Variants in CTDSPL observed in about 807,000 individuals in gnomAD.
CTDSPL encodes CTD small phosphatase like.
A neutral mutation model predicts 30.5 loss-of-function variants in CTDSPL; 8 were observed. The ratio of observed to expected loss-of-function variants is 0.26; its 90% CI spans 0.15 to 0.47. The LOEUF (loss-of-function observed/expected upper bound fraction) is 0.47. Ranked by LOEUF, CTDSPL falls within the 20% of genes least tolerant of loss-of-function variation. CTDSPL has a pLI of 0.99. For synonymous variants in CTDSPL, 110 were observed against 137.9 expected (o/e 0.80, Z 1.42); for missense variants, 248 against 366.1 (o/e 0.68, Z 2.63).
intron 1 of CTDSPL, among the ~76,000 whole-genome samples, chr3:37,869,629 T>C (rs1299199128): frequency 6.6e-6 from 1 of 152,138 alleles, no homozygotes; most frequent in Non-Finnish European, 1.5e-5. Context: ...TTGCACTGAC[T>C]AGAACTTTAG....
At chr3:37,966,048 G>A (rs186509491) in intron 4 of CTDSPL, among the ~76,000 whole-genome samples, 7 of 152,248 alleles carry the variant, frequency 4.6e-5, no homozygotes, top group East Asian at 1.9e-4. Flanking sequence ...AGCAGGGGTC[G>A]GTTGCCATCA....
chr3:37,978,021 G>A (rs1699449274), intron 7 of CTDSPL, among the ~76,000 whole-genome samples: 1 of 152,300 alleles, frequency 6.6e-6, no homozygotes, highest in African/African-American at 2.4e-5. Flanking sequence ...TTGGGTTCAG[G>A]TGGTGTTAGC....
At chr3:37,963,657 A>C (rs889525864) in intron 3 of CTDSPL, among the ~76,000 whole-genome samples, 1 of 152,250 alleles carries the variant, frequency 6.6e-6, no homozygotes, top group Non-Finnish European at 1.5e-5. Context: ...CAAGGCCTAA[A>C]GAAATAAATC....
chr3:37,973,490 C>A (rs978422284), intron 6 of CTDSPL, among the ~76,000 whole-genome samples: 1 of 152,244 alleles, frequency 6.6e-6, no homozygotes, highest in African/African-American at 2.4e-5. Flanking sequence ...GCTACTCCAG[C>A]CTTGCTGAGC....
chr3:37,872,070 C>G (rs1045824705), intron 1 of CTDSPL, among the ~76,000 whole-genome samples: 8 of 152,178 alleles, frequency 5.3e-5, no homozygotes, highest in Admixed American at 1.3e-4. Context: ...TGGCTCACTG[C>G]AGCCTCAACC....
At chr3:37,958,702 A>G (rs994965049) in intron 3 of CTDSPL, among the ~76,000 whole-genome samples, 2 of 152,210 alleles carry the variant, frequency 1.3e-5, no homozygotes, top group African/African-American at 2.4e-5. Context: ...GATCCTACTG[A>G]TAGATCAATA....
chr3:37,964,514 A>T, intron 3 of CTDSPL, 57 bp from the exon 4 acceptor site: 1 of 1,203,900 alleles, frequency 8.3e-7, no homozygotes, highest in Non-Finnish European at 1.2e-6. Flanking sequence ...GTATAATGCA[A>T]TACTGATTGG....
chr3:37,932,891 G>T (rs113235553), intron 1 of CTDSPL, among the ~76,000 whole-genome samples: 1 of 152,146 alleles, frequency 6.6e-6, no homozygotes, highest in East Asian at 1.9e-4. Flanking sequence ...AGTGGCTCAC[G>T]CCTGTAATCC....
chr3:37,975,657 T>G lies in CTDSPL; in HGVS notation c.520-52T>G. On this transcript the variant is annotated intron_variant, in intron 6 of 7. Transcript: ENST00000273179. This position sits in a 1 kb window ranked among gnomAD's most constrained non-coding sequence, Gnocchi z 4.9. Reference sequence around the variant, plus strand: ...TGGATCTTGCTGCTGTAGTTCAGGGTTTGGGGGGCTCTTTTAAACACCCAG... The same window carrying G: ...TGGATCTTGCTGCTGTAGTTCAGGGGTTGGGGGGCTCTTTTAAACACCCAG... 7 of 1,512,398 alleles carry G rather than the reference T, an allele frequency of 4.6e-6. No individual in the cohort carries two copies. The highest frequency in any genetic ancestry group is 4.5e-6 in the Non-Finnish European group (5 of 1,112,790). The allele number at this position is 1,512,398 out of a possible 1,614,324, so 93.7% of individuals were successfully genotyped here.
chr3:37,891,150 G>C (rs1042531175), intron 1 of CTDSPL, among the ~76,000 whole-genome samples: 1 of 152,154 alleles, frequency 6.6e-6, no homozygotes, highest in Non-Finnish European at 1.5e-5. Flanking sequence ...AATCAGTCTA[G>C]AGAACAGAGA....
intron 1 of CTDSPL, among the ~76,000 whole-genome samples, chr3:37,896,414 A>G (rs1698390775): frequency 6.6e-6 from 1 of 151,864 alleles, no homozygotes; most frequent in Non-Finnish European, 1.5e-5. Flanking sequence ...GATGTGAAAA[A>G]GAGCTAGAAA....
chr3:37,976,807 G>T (rs973322353), intron 7 of CTDSPL, among the ~76,000 whole-genome samples: 1 of 152,030 alleles, frequency 6.6e-6, no homozygotes, highest in African/African-American at 2.4e-5. Context: ...AACTCTCAGG[G>T]CAAGAAGGAC....
At chr3:37,895,520 C>T (rs1266625379) in intron 1 of CTDSPL, among the ~76,000 whole-genome samples, 5 of 152,296 alleles carry the variant, frequency 3.3e-5, no homozygotes, top group Admixed American at 2.0e-4. Flanking sequence ...GAGTTTTAGC[C>T]ATGCAGCATG....
rs982517087 is a variant in CTDSPL at position 37,983,068 on chromosome 3, C to T, written c.*2201C>T. ...ACACTTGGCAGACTTGAGCCAGACACTTCACCTAGTAGTTCCTGAAACTGT... is the reference window on the plus strand; with the variant it reads ...ACACTTGGCAGACTTGAGCCAGACATTTCACCTAGTAGTTCCTGAAACTGT... On this transcript the variant is annotated 3_prime_UTR_variant, in exon 8 of 8. Transcript: ENST00000273179. The T allele has an allele frequency of 5.7e-6, 1 of 176,846 alleles. No homozygotes were observed. The highest frequency in any genetic ancestry group is 5.7e-5 in the Admixed American group (1 of 17,562). 11.0% of individuals were successfully genotyped at this position (176,846 alleles called of 1,614,324 possible).
chr3:37,897,617 C>G (rs1698403741), intron 1 of CTDSPL, among the ~76,000 whole-genome samples: 1 of 151,996 alleles, frequency 6.6e-6, no homozygotes, highest in Admixed American at 6.6e-5. Context: ...TGTATTGAAC[C>G]ATTGGGTGAG....
intron 1 of CTDSPL, among the ~76,000 whole-genome samples, chr3:37,929,498 C>G (rs893150623): frequency 2.0e-5 from 3 of 152,142 alleles, no homozygotes; most frequent in Admixed American, 2.0e-4. Flanking sequence ...CATTTTTCAC[C>G]CCCTTAGTTA....
chr3:37,893,417 C>A (rs558591816), intron 1 of CTDSPL, among the ~76,000 whole-genome samples: 12 of 152,286 alleles, frequency 7.9e-5, no homozygotes, highest in African/African-American at 2.9e-4. Flanking sequence ...ATCACACTTC[C>A]AGAGCTCTCT....
chr3:37,919,219 AC>A (rs1698686089), intron 1 of CTDSPL, among the ~76,000 whole-genome samples: 1 of 152,168 alleles, frequency 6.6e-6, no homozygotes, highest in Admixed American at 6.5e-5. Context: ...TGGAAACTAT[AC>A]TATAGAAGAT....
At chr3:37,947,234 G>A (rs754512063) in intron 2 of CTDSPL, 23 bp downstream of exon 2, 4 of 1,601,206 alleles carry the variant, frequency 2.5e-6, no homozygotes, top group Non-Finnish European at 3.4e-6. Context: ...GAGGAACTGT[G>A]CCCTCCATAA....
Sources: gnomAD v4.1 joint callset for allele counts (sites outside exome capture counted in the v4.1 genomes callset) on GRCh38, gnomAD v4.1.1 for gene constraint, Gnocchi (gnomAD v3.1) non-coding constraint, MANE v1.5 for transcripts, NCBI Gene and HGNC (gene_info 2026-07-23, HGNC 2026-07-21) for gene names.